ITGA9: variants seen among roughly 807,000 people sequenced by gnomAD.
ITGA9 encodes the protein integrin alpha-9.
ITGA9 carries 56 observed loss-of-function variants against 127.8 expected under a neutral mutation model. The observed-to-expected ratio is 0.44, with a 90% CI of 0.35 to 0.55. The LOEUF is 0.55. ITGA9 is among the 20% of genes least tolerant of loss of function. ITGA9 has a pLI of 0.00. For missense variants in ITGA9, 1,196 were observed against 1,347.1 expected (o/e 0.89, Z 1.76); for synonymous variants, 508 against 514.5 (o/e 0.99, Z 0.17).
intron 16 of ITGA9, among the ~76,000 whole-genome samples, chr3:37,641,514 G>T (rs1329220205): frequency 6.6e-6 from 1 of 151,980 alleles, no homozygotes; most frequent in Non-Finnish European, 1.5e-5. Flanking sequence ...CCAGAACTCG[G>T]GAGCCAGCCG....
chr3:37,714,559 T>C (rs1023538741), intron 18 of ITGA9, among the ~76,000 whole-genome samples: 3 of 152,172 alleles, frequency 2.0e-5, no homozygotes, highest in African/African-American at 7.2e-5. Context: ...CCATCCTCCA[T>C]GTGGGTCCCA....
intron 17 of ITGA9, among the ~76,000 whole-genome samples, chr3:37,660,737 C>T (rs753280042): frequency 5.9e-5 from 9 of 152,134 alleles, no homozygotes; most frequent in Non-Finnish European, 1.2e-4. Flanking sequence ...TCACTGATTC[C>T]CATGGATTTT....
chr3:37,818,945 A>G lies in ITGA9; in HGVS notation c.3064A>G (p.Lys1022Glu). Residue 1022 changes from lysine (K) to glutamate (E), a missense_variant, in exon 28 of 28, where the codon AAA becomes GAA. Coordinates refer to ENST00000264741, the MANE Select transcript of ITGA9 (RefSeq NM_002207.3). ...AATTATCGAAGCTGAGAAGAACCGG[A>G]AAGAGAATGAAGACAGTTGGGACTG... ...KEIIEAEKNRKENEDSWDWVQ... is the reference protein window; with the variant it reads ...KEIIEAEKNREENEDSWDWVQ... 4 of 1,614,200 alleles carry G rather than the reference A, an allele frequency of 2.5e-6. No individual in the cohort carries two copies. Among genetic ancestry groups the G allele is most frequent in the Non-Finnish European group, 3.4e-6 (4 of 1,180,012 alleles).
intron 13 of ITGA9, among the ~76,000 whole-genome samples, chr3:37,527,806 G>C (rs1245908975): frequency 6.6e-6 from 1 of 150,424 alleles, no homozygotes; most frequent in African/African-American, 2.5e-5. Flanking sequence ...CTTTTTTTGA[G>C]ATGGAGTCTT....
rs570056970 is a variant in ITGA9, at chr3:37,501,740, G to A, written c.613-1438G>A. ...ATTTCAACTGAGTTTTGAATACTGC[G>A]AAAGGGTTACACAAGCAGAGGAAGT... On this transcript the variant is annotated intron_variant, in intron 5 of 27. Transcript: ENST00000264741. Among the ~76,000 whole-genome samples, 47 of 152,178 alleles carry A rather than the reference G, an allele frequency of 3.1e-4. No homozygotes were observed. The South Asian group carries it at 8.9e-3, about 29-fold the overall frequency.
chr3:37,508,694 T>C (rs1698870771), intron 8 of ITGA9, 67 bp downstream of exon 8: 3 of 1,392,976 alleles, frequency 2.2e-6, no homozygotes, highest in Non-Finnish European at 3.1e-6. Flanking sequence ...GTCAGTACTT[T>C]TTAGAAAATT....
At chr3:37,569,477 C>T (rs1699580291) in intron 15 of ITGA9, among the ~76,000 whole-genome samples, 1 of 152,116 alleles carries the variant, frequency 6.6e-6, no homozygotes, top group South Asian at 2.1e-4. Context: ...GTGGCATGGC[C>T]TTTATGTGTA....
intron 18 of ITGA9, among the ~76,000 whole-genome samples, chr3:37,704,986 G>C (rs1047627843): frequency 6.6e-6 from 1 of 152,174 alleles, no homozygotes; most frequent in African/African-American, 2.4e-5. Flanking sequence ...TCAGAACTAG[G>C]CATTGCAAAG....
intron 15 of ITGA9, among the ~76,000 whole-genome samples, chr3:37,585,331 C>T (rs191457783): frequency 8.6e-4 from 131 of 152,240 alleles, no homozygotes; most frequent in African/African-American, 3.1e-3. Flanking sequence ...CTCCTCTGGC[C>T]TCTACATCAC....
chr3:37,522,620 G>A (rs1000011496), intron 11 of ITGA9, among the ~76,000 whole-genome samples: 1 of 151,970 alleles, frequency 6.6e-6, no homozygotes, highest in Non-Finnish European at 1.5e-5. Context: ...CTACTTGGGA[G>A]GCTAAGGCGG....
chr3:37,552,277 G>A (rs547710614), intron 15 of ITGA9, among the ~76,000 whole-genome samples: 4 of 152,266 alleles, frequency 2.6e-5, no homozygotes, highest in South Asian at 2.1e-4. Context: ...GCTTAAGTCT[G>A]TTTTAGATGA....
chr3:37,800,648 C>G (rs142619587), intron 26 of ITGA9, among the ~76,000 whole-genome samples: 214 of 152,248 alleles, frequency 1.4e-3, no homozygotes, highest in African/African-American at 4.6e-3. Context: ...ACTTCAGAGC[C>G]CACTCTGTCC....
Position 37,806,412 on chromosome 3 carries a change from G to C in ITGA9, c.3009+2470G>C, listed in dbSNP as rs946288769. 2.6e-5 allele frequency: 4 copies of C among 152,236 alleles called. No individual in the cohort carries two copies. Among genetic ancestry groups the C allele is most frequent in the African/African-American group, 9.7e-5 (4 of 41,434 alleles). 9.4% of individuals were successfully genotyped at this position (152,236 alleles called of 1,614,324 possible). A position where few individuals can be genotyped will look rare whatever the true frequency, so the allele number is the denominator to read the frequency against. On this transcript the variant is annotated intron_variant, in intron 27 of 27. Coordinates refer to ENST00000264741, the MANE Select transcript of ITGA9 (RefSeq NM_002207.3). This position sits in a 1 kb window ranked among gnomAD's most constrained non-coding sequence, Gnocchi z 4.3. Reference sequence around the variant, plus strand: ...TGTGTGGAACCAGACAGGGCACAGAGTGGGGAGTGTTGTGGCCGTGCCCCA... The same window carrying C: ...TGTGTGGAACCAGACAGGGCACAGACTGGGGAGTGTTGTGGCCGTGCCCCA...
chr3:37,607,928 C>G (rs1251595289), intron 15 of ITGA9, among the ~76,000 whole-genome samples: 1 of 152,192 alleles, frequency 6.6e-6, no homozygotes, highest in Non-Finnish European at 1.5e-5. Flanking sequence ...TTGGGGGTAA[C>G]TCCGTCTTCA....
chr3:37,687,088 G>T (rs1372831712), intron 18 of ITGA9, among the ~76,000 whole-genome samples: 1 of 152,078 alleles, frequency 6.6e-6, no homozygotes, highest in Non-Finnish European at 1.5e-5. Flanking sequence ...GAAAACAAAA[G>T]TAAATTTTAC....
intron 26 of ITGA9, among the ~76,000 whole-genome samples, chr3:37,786,217 G>T (rs1406449292): frequency 6.6e-6 from 1 of 152,164 alleles, no homozygotes; most frequent in Non-Finnish European, 1.5e-5. Flanking sequence ...AAAGTGATAA[G>T]TTTATAATGA....
chr3:37,682,965 C>A (rs1379238270), intron 17 of ITGA9, among the ~76,000 whole-genome samples: 1 of 152,180 alleles, frequency 6.6e-6, no homozygotes, highest in Non-Finnish European at 1.5e-5. Context: ...CTCCACAGAC[C>A]GTTCACATCA....
At chr3:37,481,101 T>C (rs1047466953) in intron 3 of ITGA9, among the ~76,000 whole-genome samples, 20 of 152,178 alleles carry the variant, frequency 1.3e-4, no homozygotes, top group Non-Finnish European at 1.9e-4. Flanking sequence ...ATGTATCCTT[T>C]ACATTCTGCT....
intron 18 of ITGA9, among the ~76,000 whole-genome samples, chr3:37,697,998 G>T (rs369071066): frequency 6.6e-6 from 1 of 152,096 alleles, no homozygotes; most frequent in South Asian, 2.1e-4. Context: ...CAGCATCTGT[G>T]GTTTCCTGAC....
Sources: gnomAD v4.1 joint callset for allele counts (sites outside exome capture counted in the v4.1 genomes callset) on GRCh38, gnomAD v4.1.1 for gene constraint, Gnocchi (gnomAD v3.1) non-coding constraint, MANE v1.5 for transcripts, NCBI Gene and HGNC (gene_info 2026-07-23, HGNC 2026-07-21) for gene names.